The following SAMMSON variants were observed in gnomAD, a reference collection of about 807,000 sequenced individuals.
SAMMSON encodes the protein survival associated mitochondrial melanoma specific oncogenic non-coding RNA.
At chr3:70,041,487 A>G (rs1483043310) in intron 3 of SAMMSON, among the ~76,000 whole-genome samples, 1 of 152,104 alleles carries the variant, frequency 6.6e-6, no homozygotes, top group South Asian at 2.1e-4. Context: ...TTCTTCATCT[A>G]AAACATGGTG....
chr3:70,348,510 A>C (rs1377984680), intron 7 of SAMMSON, among the ~76,000 whole-genome samples: 1 of 152,098 alleles, frequency 6.6e-6, no homozygotes, highest in East Asian at 1.9e-4. Flanking sequence ...TAGACCCTCC[A>C]TCCCCTTATA....
At chr3:70,010,520 A>G (rs1245175910) in intron 1 of SAMMSON, among the ~76,000 whole-genome samples, 1 of 152,090 alleles carries the variant, frequency 6.6e-6, no homozygotes, top group Non-Finnish European at 1.5e-5. Context: ...ACCAAGGGGA[A>G]GATGGATGCT....
chr3:70,166,632 A>G (rs554707680), intron 4 of SAMMSON, among the ~76,000 whole-genome samples: 56 of 152,022 alleles, frequency 3.7e-4, no homozygotes, highest in Non-Finnish European at 6.6e-4. Context: ...GGTGATTTAA[A>G]GAAGAGCAGA....
At chr3:70,135,006 T>C (rs2067499936) in intron 4 of SAMMSON, among the ~76,000 whole-genome samples, 1 of 152,174 alleles carries the variant, frequency 6.6e-6, no homozygotes, top group African/African-American at 2.4e-5. Flanking sequence ...AGAATTGAAT[T>C]GAATTTGTAT....
intron 4 of SAMMSON, among the ~76,000 whole-genome samples, chr3:70,215,823 C>G (rs565102652): frequency 6.6e-6 from 1 of 152,208 alleles, no homozygotes; most frequent in Admixed American, 6.5e-5. Context: ...GGTGGCGTGT[C>G]TTGGTTTTCA....
chr3:70,278,253 G>T (rs1032103662), intron 6 of SAMMSON, among the ~76,000 whole-genome samples: 5 of 152,074 alleles, frequency 3.3e-5, no homozygotes, highest in Non-Finnish European at 7.4e-5. Context: ...ACATTCTTGT[G>T]TGTACCGGTA....
chr3:70,134,791 G>T (rs1438360930), intron 4 of SAMMSON, among the ~76,000 whole-genome samples: 1 of 151,712 alleles, frequency 6.6e-6, no homozygotes, highest in East Asian at 1.9e-4. Context: ...GGATACAGGC[G>T]GTACATTACT....
At chr3:70,016,048 G>C (rs955056739) in intron 3 of SAMMSON, among the ~76,000 whole-genome samples, 1 of 152,140 alleles carries the variant, frequency 6.6e-6, no homozygotes, top group African/African-American at 2.4e-5. Context: ...CTTTATAGCA[G>C]CATGATTTAT....
chr3:70,296,830 T>C (rs1702294341), intron 7 of SAMMSON, among the ~76,000 whole-genome samples: 1 of 152,136 alleles, frequency 6.6e-6, no homozygotes, highest in South Asian at 2.1e-4. Context: ...TGGAGTGGTT[T>C]TTTTAAAAGG....
chr3:70,385,284 A>G (rs1703111474), intron 9 of SAMMSON, among the ~76,000 whole-genome samples: 1 of 152,112 alleles, frequency 6.6e-6, no homozygotes, highest in African/African-American at 2.4e-5. Flanking sequence ...CAGTAGGTCC[A>G]CCATGTAAGA....
chr3:70,266,637 G>C (rs72943359), intron 6 of SAMMSON, among the ~76,000 whole-genome samples: 1 of 151,814 alleles, frequency 6.6e-6, no homozygotes, highest in Non-Finnish European at 1.5e-5. Flanking sequence ...GTGAAGACAG[G>C]ATCTCCCTAT....
chr3:70,330,841 T>A (rs1360929994), intron 7 of SAMMSON, among the ~76,000 whole-genome samples: 1 of 152,088 alleles, frequency 6.6e-6, no homozygotes, highest in Non-Finnish European at 1.5e-5. Flanking sequence ...CAAAATAATA[T>A]AAATAGACAT....
intron 4 of SAMMSON, among the ~76,000 whole-genome samples, chr3:70,180,327 G>A (rs191278282): frequency 8.9e-4 from 136 of 151,974 alleles, no homozygotes; most frequent in African/African-American, 2.7e-3. Context: ...AAGTTTTCAG[G>A]CCAATAGAGG....
At chr3:70,283,688 T>G (rs1259944401) in intron 6 of SAMMSON, 2 of 151,632 alleles carry the variant, frequency 1.3e-5, no homozygotes. Context: ...TGGGTTTGGA[T>G]GACTGCATTT....
At chr3:70,137,004 G>A (rs1052640181) in intron 4 of SAMMSON, among the ~76,000 whole-genome samples, 3 of 151,936 alleles carry the variant, frequency 2.0e-5, no homozygotes, top group Non-Finnish European at 4.4e-5. Flanking sequence ...ACAATATTAT[G>A]AGTCATACAT....
intron 6 of SAMMSON, among the ~76,000 whole-genome samples, chr3:70,260,844 C>A (rs1383488570): frequency 6.6e-6 from 1 of 152,012 alleles, no homozygotes; most frequent in African/African-American, 2.4e-5. Context: ...TAAAAGCAGT[C>A]CCTTTATAAA....
chr3:70,221,673 C>T (rs1297471722), intron 4 of SAMMSON, among the ~76,000 whole-genome samples: 1 of 152,050 alleles, frequency 6.6e-6, no homozygotes, highest in Non-Finnish European at 1.5e-5. Context: ...AGTGACTGGT[C>T]AATGATGCCA....
chr3:70,113,616 C>T (rs2067398472), intron 4 of SAMMSON, among the ~76,000 whole-genome samples: 2 of 152,162 alleles, frequency 1.3e-5, no homozygotes, highest in Admixed American at 6.5e-5. Context: ...ACAAGTTTAT[C>T]TCCTGCTATG....
intron 9 of SAMMSON, among the ~76,000 whole-genome samples, chr3:70,362,223 C>T (rs1283365449): frequency 6.6e-6 from 1 of 152,080 alleles, no homozygotes; most frequent in African/African-American, 2.4e-5. Flanking sequence ...TTGTATCAAA[C>T]ATTTAAAAAG....
Sources: gnomAD v4.1 joint callset for allele counts (sites outside exome capture counted in the v4.1 genomes callset) on GRCh38, gnomAD v4.1.1 for gene constraint, MANE v1.5 for transcripts, NCBI Gene and HGNC (gene_info 2026-07-23, HGNC 2026-07-21) for gene names.